DAG1: variants seen among roughly 807,000 people sequenced by gnomAD.
DAG1 encodes the protein dystroglycan 1.
A neutral mutation model predicts 46.1 loss-of-function variants in DAG1; 8 were observed. That is an observed-to-expected ratio of 0.17 (90% confidence interval 0.10 to 0.31). The LOEUF is 0.31. Among genes scored for constraint, DAG1 ranks in the 10% least tolerant of loss-of-function variants. The pLI is 1.00. For synonymous variants in DAG1, 495 were observed against 481.8 expected (o/e 1.03, Z -0.36); for missense variants, 1,003 against 1,189.9 (o/e 0.84, Z 2.31).
intron 1 of DAG1, among the ~76,000 whole-genome samples, chr3:49,473,710 G>A (rs2049593598): frequency 6.6e-6 from 1 of 151,586 alleles, no homozygotes; most frequent in Non-Finnish European, 1.5e-5. Flanking sequence ...AGCCTCCCGA[G>A]TAGCTGGGAT....
At chr3:49,489,290 C>T (rs2050119694) in intron 1 of DAG1, among the ~76,000 whole-genome samples, 1 of 152,096 alleles carries the variant, frequency 6.6e-6, no homozygotes, top group African/African-American at 2.4e-5. Context: ...AGGGGTTTCT[C>T]CATGTTGGTC....
chr3:49,513,857 C>T (rs573721183), intron 2 of DAG1, among the ~76,000 whole-genome samples: 2 of 152,280 alleles, frequency 1.3e-5, no homozygotes, highest in South Asian at 4.1e-4. Flanking sequence ...ATTTCTTGCT[C>T]AGCTTCAGAT....
At chr3:49,472,768 C>T (rs1260579554) in intron 1 of DAG1, among the ~76,000 whole-genome samples, 2 of 148,426 alleles carry the variant, frequency 1.3e-5, no homozygotes, top group African/African-American at 2.5e-5. Context: ...GATAGAGCCA[C>T]TGCACTCCAG....
chr3:49,492,031 ATTC>A (rs2050203108), intron 1 of DAG1, among the ~76,000 whole-genome samples: 1 of 151,956 alleles, frequency 6.6e-6, no homozygotes, highest in African/African-American at 2.4e-5. Flanking sequence ...GGTTCAAGCA[ATTC>A]TTCTGCCTCA....
intron 1 of DAG1, among the ~76,000 whole-genome samples, chr3:49,477,531 G>T (rs758848564): frequency 6.6e-6 from 1 of 151,984 alleles, no homozygotes; most frequent in Admixed American, 6.6e-5. Context: ...GGGCTCAAAC[G>T]ATCCTCCCGC....
chr3:49,469,025 G>A (rs2049443338), upstream of DAG1: 1 of 152,132 alleles, frequency 6.6e-6, no homozygotes, highest in Non-Finnish European at 1.5e-5. Context: ...GTTTGGAGCC[G>A]AGACACTGAA....
intron 2 of DAG1, among the ~76,000 whole-genome samples, chr3:49,516,710 CCTTA>C (rs1333881653): frequency 6.6e-6 from 1 of 152,176 alleles, no homozygotes; most frequent in Non-Finnish European, 1.5e-5. Flanking sequence ...TTAAGTGCTT[CCTTA>C]CTTTCTGGGA....
intron 1 of DAG1, among the ~76,000 whole-genome samples, chr3:49,474,957 G>A (rs1224587486): frequency 6.9e-6 from 1 of 144,848 alleles, no homozygotes; most frequent in Non-Finnish European, 1.5e-5. Flanking sequence ...GACTACAGGC[G>A]CCCGCCACCG....
intron 2 of DAG1, among the ~76,000 whole-genome samples, chr3:49,513,166 G>C (rs2050807505): frequency 6.6e-6 from 1 of 151,966 alleles, no homozygotes; most frequent in Non-Finnish European, 1.5e-5. Flanking sequence ...CCTGGGGCTG[G>C]GGAATTCACT....
intron 2 of DAG1, among the ~76,000 whole-genome samples, chr3:49,524,826 A>G (rs1478358037): frequency 6.6e-6 from 1 of 151,800 alleles, no homozygotes; most frequent in Non-Finnish European, 1.5e-5. Context: ...CTACACACCC[A>G]CACACACAAA....
chr3:49,531,876 A>C lies in DAG1; in HGVS notation c.1365A>C (p.Thr455=), dbSNP rs1157112101. The change falls in exon 3 of 3, where the codon ACA becomes ACC. Residue 455 remains threonine (T), a synonymous_variant. Transcript: ENST00000308775. The surrounding 1 kb of genome is among the most constrained non-coding windows in gnomAD (Gnocchi z 7.0). ...GCAGGCCAACCAAGAAACCACGGAC[A>C]CCCCGGCCAGTGCCCCGGGTCACCA... The part of the protein sequence containing the change: ...TTRRPTKKPR[T]PRPVPRVTTK... The C allele has an allele frequency of 6.2e-7, 1 of 1,613,714 alleles. No homozygotes were observed. The highest frequency in any genetic ancestry group is 8.5e-7 in the Non-Finnish European group (1 of 1,179,926).
At chr3:49,507,168 CCTT>C (rs770929626) in intron 1 of DAG1, among the ~76,000 whole-genome samples, 22 of 151,560 alleles carry the variant, frequency 1.5e-4, no homozygotes, top group Non-Finnish European at 2.5e-4. Flanking sequence ...CTGGCCAACT[CCTT>C]CTCCAAAAAA....
intron 2 of DAG1, among the ~76,000 whole-genome samples, chr3:49,528,944 A>G (rs1390010209): frequency 6.7e-6 from 1 of 149,968 alleles, no homozygotes; most frequent in East Asian, 2.0e-4. Context: ...TCCGCTTCCC[A>G]GGTTCAAGCA....
rs902577138 is a variant in DAG1 at position 49,535,582 on chromosome 3, A to G, written c.*2383A>G. 1.3e-5 allele frequency: 2 copies of G among 152,674 alleles called. No homozygotes were observed. Among genetic ancestry groups the G allele is most frequent in the African/African-American group, 2.4e-5 (1 of 41,476 alleles). The allele number at this position is 152,674 out of a possible 1,614,324, so 9.5% of individuals were successfully genotyped here. A position where few individuals can be genotyped will look rare whatever the true frequency, so the allele number is the denominator to read the frequency against. ...TTTTCTGCATTCTGTAAAGAAACAT[A>G]TCAAACTAAATAAAAGCAGTGTCTT... On this transcript the variant is annotated 3_prime_UTR_variant, in exon 3 of 3. Coordinates refer to ENST00000308775, the MANE Select transcript of DAG1 (RefSeq NM_004393.6).
At chr3:49,527,715 G>T (rs545822566) in intron 2 of DAG1, among the ~76,000 whole-genome samples, 1 of 151,944 alleles carries the variant, frequency 6.6e-6, no homozygotes, top group East Asian at 1.9e-4. Flanking sequence ...AAAAAAAAGT[G>T]CCCTTGTATA....
At chr3:49,524,990 T>C (rs1053146396) in intron 2 of DAG1, among the ~76,000 whole-genome samples, 1 of 151,916 alleles carries the variant, frequency 6.6e-6, no homozygotes, top group African/African-American at 2.4e-5. Flanking sequence ...CATATACATA[T>C]ATGTATATAA....
intron 1 of DAG1, among the ~76,000 whole-genome samples, chr3:49,482,473 A>G (rs1575346157): frequency 6.6e-6 from 1 of 152,180 alleles, no homozygotes; most frequent in Non-Finnish European, 1.5e-5. Flanking sequence ...GAGATAGGAG[A>G]AAAACTGCCC....
intron 1 of DAG1, among the ~76,000 whole-genome samples, chr3:49,482,259 T>C (rs1289626286): frequency 6.6e-6 from 1 of 152,150 alleles, no homozygotes; most frequent in African/African-American, 2.4e-5. Context: ...TTTCTCCCCA[T>C]GTGATAGTCT....
intron 2 of DAG1, among the ~76,000 whole-genome samples, chr3:49,514,721 C>T (rs2050851367): frequency 1.3e-5 from 2 of 152,096 alleles, no homozygotes; most frequent in Admixed American, 1.3e-4. Context: ...CTACTGCAAC[C>T]TCCGCCTCCC....
Sources: allele counts gnomAD v4.1 joint callset (sites outside exome capture counted in the v4.1 genomes callset), GRCh38; gene constraint gnomAD v4.1.1; non-coding constraint Gnocchi (gnomAD v3.1); transcripts MANE v1.5; gene names NCBI Gene and HGNC (gene_info 2026-07-23, HGNC 2026-07-21).